The following CAMTA1 variants were observed in gnomAD, a reference collection of about 807,000 sequenced individuals.
CAMTA1 encodes calmodulin binding transcription activator 1, also known as calmodulin-binding transcription activator 1.
In CAMTA1, 27 loss-of-function variants were observed where a neutral mutation model predicts 170.9. The observed-to-expected ratio is 0.16, with a 90% CI of 0.12 to 0.22. The LOEUF (loss-of-function observed/expected upper bound fraction) is 0.22. Among genes scored for constraint, CAMTA1 ranks in the 10% least tolerant of loss-of-function variants. The pLI is 1.00. For synonymous variants in CAMTA1, 833 were observed against 891.5 expected, an observed-to-expected ratio of 0.93 and a Z score of 1.17; for missense variants, 1,619 against 2,217.2, an observed-to-expected ratio of 0.73 and a Z score of 5.42.
At chr1:7,028,251 G>A (rs1034461695) in intron 3 of CAMTA1, among the ~76,000 whole-genome samples, 16 of 152,132 alleles carry the variant, frequency 1.1e-4, no homozygotes, top group African/African-American at 3.4e-4. Context: ...CCAAGTTTAT[G>A]GCAGAAACTA....
At chr1:7,526,602 G>C (rs2094435023) in intron 6 of CAMTA1, among the ~76,000 whole-genome samples, 1 of 152,256 alleles carries the variant, frequency 6.6e-6, no homozygotes, top group Admixed American at 6.5e-5. Context: ...AAGGGTGAGG[G>C]ACAAAGGTGG....
intron 1 of CAMTA1, among the ~76,000 whole-genome samples, chr1:6,801,401 G>A (rs1252084687): frequency 6.6e-6 from 1 of 152,146 alleles, no homozygotes; most frequent in Non-Finnish European, 1.5e-5. Flanking sequence ...TAGCTGCTCT[G>A]GTGCTGCTCC....
At chr1:7,374,748 C>A (rs1339782599) in intron 5 of CAMTA1, among the ~76,000 whole-genome samples, 1 of 152,178 alleles carries the variant, frequency 6.6e-6, no homozygotes, top group Non-Finnish European at 1.5e-5. Flanking sequence ...AGTGAGGGCT[C>A]AAGGAACTCT....
chr1:7,133,228 T>C (rs983016212), intron 4 of CAMTA1, among the ~76,000 whole-genome samples: 1 of 152,208 alleles, frequency 6.6e-6, no homozygotes, highest in Admixed American at 6.5e-5. Flanking sequence ...GAATTTTCTT[T>C]GTGCACAACT....
At chr1:7,152,055 C>T (rs934699184) in intron 4 of CAMTA1, among the ~76,000 whole-genome samples, 1 of 152,056 alleles carries the variant, frequency 6.6e-6, no homozygotes, top group African/African-American at 2.4e-5. Flanking sequence ...TAATACTGCC[C>T]GGTTGAGGAT....
chr1:6,800,763 T>C (rs1183357113), intron 1 of CAMTA1, among the ~76,000 whole-genome samples: 1 of 152,202 alleles, frequency 6.6e-6, no homozygotes, highest in Non-Finnish European at 1.5e-5. Context: ...ATTGATCATA[T>C]CACATCTTCA....
intron 12 of CAMTA1, among the ~76,000 whole-genome samples, chr1:7,734,912 T>C (rs950941026): frequency 1.3e-5 from 2 of 152,188 alleles, no homozygotes; most frequent in African/African-American, 4.8e-5. Context: ...GGGGGAGTGT[T>C]AAACATAAAA....
chr1:6,937,786 C>CCACCGT (rs1685702301), intron 3 of CAMTA1, among the ~76,000 whole-genome samples: 1 of 100,438 alleles, frequency 1.0e-5, no homozygotes, highest in Non-Finnish European at 2.2e-5. Context: ...CCACTTACCA[C>CCACCGT]CACCATCACC....
rs376616368 is a variant in CAMTA1 at position 7,161,009 on chromosome 1, T to G, written c.302+69638T>G. Among the ~76,000 whole-genome samples, 35 of 152,326 alleles carry G rather than the reference T, an allele frequency of 2.3e-4. 3 individuals are homozygous for G. The South Asian group carries it at 6.4e-3, about 28-fold the overall frequency. On this transcript the variant is annotated intron_variant, in intron 4 of 22. Transcript: ENST00000303635. ...TGAGTTCAGGGTTCCATGATCTCTT[T>G]CCTGTATTGCTGCAAAGGCTTCTTC...
At chr1:7,454,414 C>G (rs1226523632) in intron 5 of CAMTA1, among the ~76,000 whole-genome samples, 2 of 152,222 alleles carry the variant, frequency 1.3e-5, no homozygotes, top group Non-Finnish European at 2.9e-5. Context: ...GTCATTTAAT[C>G]CAACAAACCT....
At chr1:7,662,724 G>A (rs995651318) in intron 8 of CAMTA1, among the ~76,000 whole-genome samples, 1 of 152,196 alleles carries the variant, frequency 6.6e-6, no homozygotes, top group Admixed American at 6.5e-5. Flanking sequence ...TTGTACCCCA[G>A]AGAGCTGAGG....
chr1:7,551,352 G>C (rs1290937505), intron 6 of CAMTA1, among the ~76,000 whole-genome samples: 1 of 151,782 alleles, frequency 6.6e-6, no homozygotes, highest in Non-Finnish European at 1.5e-5. Flanking sequence ...CTGTGCATGA[G>C]TGTGTATGTG....
chr1:7,633,448 C>A lies in CAMTA1; in HGVS notation c.511-6952C>A, dbSNP rs1460661863. 6.6e-6 allele frequency among the ~76,000 whole-genome samples: 1 copy of A among 152,186 alleles called. No homozygotes were observed. Among genetic ancestry groups the A allele is most frequent in the African/African-American group, 2.4e-5 (1 of 41,440 alleles). Reference sequence around the variant, plus strand: ...CCTGGGCCCCTTCTGGGGGAGTGGACCCCCTCCTCTTCCAGCCCATGCCTG... The same window carrying A: ...CCTGGGCCCCTTCTGGGGGAGTGGAACCCCTCCTCTTCCAGCCCATGCCTG... On this transcript the variant is annotated intron_variant, in intron 6 of 22. Coordinates refer to ENST00000303635, the MANE Select transcript of CAMTA1 (RefSeq NM_015215.4). The surrounding 1 kb of genome is among the most constrained non-coding windows in gnomAD (Gnocchi z 4.1).
chr1:7,354,446 A>G (rs12084652), intron 5 of CAMTA1, among the ~76,000 whole-genome samples: 10,801 of 152,092 alleles, frequency 0.071, 1,242 homozygotes, highest in African/African-American at 0.24. Flanking sequence ...ACCGCGCCCG[A>G]CCTACCACAT....
chr1:7,112,492 G>A (rs1479683492), intron 4 of CAMTA1, among the ~76,000 whole-genome samples: 1 of 152,226 alleles, frequency 6.6e-6, no homozygotes, highest in Non-Finnish European at 1.5e-5. Context: ...TTCCATGGCT[G>A]ACCATGGCCG....
chr1:7,382,229 T>C (rs975600436), intron 5 of CAMTA1, among the ~76,000 whole-genome samples: 3 of 152,216 alleles, frequency 2.0e-5, no homozygotes, highest in Admixed American at 6.5e-5. Flanking sequence ...GGGATTCTAA[T>C]ACTTAAGGAA....
At chr1:6,829,994 C>T (rs2148561762) in intron 3 of CAMTA1, among the ~76,000 whole-genome samples, 1 of 151,996 alleles carries the variant, frequency 6.6e-6, no homozygotes, top group Admixed American at 6.5e-5. Context: ...AAGTTTTCTC[C>T]TACGTGTATT....
At chr1:7,710,705 C>G (rs933991206) in intron 11 of CAMTA1, among the ~76,000 whole-genome samples, 8 of 151,724 alleles carry the variant, frequency 5.3e-5, no homozygotes, top group African/African-American at 1.9e-4. Flanking sequence ...TGTCATTAGG[C>G]CTCCCCCATT....
chr1:7,447,375 G>A (rs924412160), intron 5 of CAMTA1, among the ~76,000 whole-genome samples: 1 of 146,636 alleles, frequency 6.8e-6, no homozygotes, highest in Admixed American at 6.8e-5. Context: ...AGTGAAGTCA[G>A]GTTGATAGTG....
Sources: gnomAD v4.1 joint callset for allele counts (sites outside exome capture counted in the v4.1 genomes callset) on GRCh38, gnomAD v4.1.1 for gene constraint, Gnocchi (gnomAD v3.1) non-coding constraint, MANE v1.5 for transcripts, NCBI Gene and HGNC (gene_info 2026-07-23, HGNC 2026-07-21) for gene names.